Variants in DMXL2 observed in about 807,000 individuals in gnomAD.
DMXL2 encodes Dmx like 2.
In DMXL2, 103 loss-of-function variants were observed where a neutral mutation model predicts 331.1. The ratio of observed to expected loss-of-function variants is 0.31; its 90% confidence interval spans 0.27 to 0.37. The LOEUF (loss-of-function observed/expected upper bound fraction) is 0.37. DMXL2 is among the 10% of genes least tolerant of loss of function. The pLI, the probability that DMXL2 is intolerant of heterozygous loss-of-function variation, is 1.00. For missense variants in DMXL2, 3,171 were observed against 3,642.9 expected (o/e 0.87, Z 3.33); for synonymous variants, 1,281 against 1,252.1 (o/e 1.02, Z -0.49).
intron 1 of DMXL2, among the ~76,000 whole-genome samples, chr15:51,588,074 TTG>T (rs1333543241): frequency 1.3e-5 from 2 of 152,204 alleles, no homozygotes; most frequent in Non-Finnish European, 2.9e-5. Context: ...TATTAGTGCT[TTG>T]TCAGCTGAGT....
intron 1 of DMXL2, 63 bp downstream of exon 1, chr15:51,622,396 G>C (rs1238465925): frequency 6.5e-7 from 1 of 1,546,710 alleles, no homozygotes; most frequent in Non-Finnish European, 8.7e-7. Flanking sequence ...CCCTGGACAG[G>C]AGGTCCCTGC....
At chr15:51,458,660 C>G in intron 35 of DMXL2, 33 bp from the exon 36 acceptor site, 1 of 1,613,798 alleles carries the variant, frequency 6.2e-7, no homozygotes, top group Non-Finnish European at 8.5e-7. Context: ...ATGATTTAAG[C>G]AATTTCACTA....
At chr15:51,503,952 CTT>C (rs1295825932) in intron 16 of DMXL2, among the ~76,000 whole-genome samples, 1 of 151,624 alleles carries the variant, frequency 6.6e-6, no homozygotes, top group Non-Finnish European at 1.5e-5. Context: ...CAATTTTACT[CTT>C]TCTTAGCACC....
chr15:51,560,618 G>A (rs1442544144), intron 6 of DMXL2, among the ~76,000 whole-genome samples: 7 of 148,428 alleles, frequency 4.7e-5, no homozygotes, highest in Non-Finnish European at 1.0e-4. Flanking sequence ...GCAATGAGCC[G>A]TGACTGTGCC....
At chr15:51,479,772 A>C (rs1278069628) in intron 25 of DMXL2, among the ~76,000 whole-genome samples, 176 bp downstream of exon 25, 1 of 152,240 alleles carries the variant, frequency 6.6e-6, no homozygotes, top group Non-Finnish European at 1.5e-5. Flanking sequence ...TAACTTCTCC[A>C]GAAGTAAGAA....
At chr15:51,602,157 T>C (rs1378588721) in intron 1 of DMXL2, among the ~76,000 whole-genome samples, 1 of 152,198 alleles carries the variant, frequency 6.6e-6, no homozygotes, top group Non-Finnish European at 1.5e-5. Context: ...TGAAGTTCAC[T>C]ATTCTAGCAG....
intron 6 of DMXL2, among the ~76,000 whole-genome samples, chr15:51,555,027 A>G (rs956119388): frequency 2.6e-5 from 4 of 152,086 alleles, no homozygotes; most frequent in Non-Finnish European, 5.9e-5. Flanking sequence ...GTGTGGTGGC[A>G]CACGCTTGTA....
chr15:51,612,734 T>C (rs909961284), intron 1 of DMXL2, among the ~76,000 whole-genome samples: 10 of 152,200 alleles, frequency 6.6e-5, no homozygotes, highest in African/African-American at 1.7e-4. Flanking sequence ...TGCATTGTCA[T>C]TGAAAACATC....
chr15:51,481,723 T>C (rs2042025695), intron 23 of DMXL2, 100 bp from the exon 24 acceptor site: 29 of 1,148,386 alleles, frequency 2.5e-5, no homozygotes, highest in Non-Finnish European at 3.3e-5. Context: ...AAAAACAACA[T>C]GTAAATATTA....
chr15:51,496,647 A>G (rs2043198872), intron 18 of DMXL2, among the ~76,000 whole-genome samples: 3 of 152,218 alleles, frequency 2.0e-5, no homozygotes, highest in Admixed American at 2.0e-4. Context: ...GATGGAGGTA[A>G]AAAGAATAAA....
At chr15:51,619,429 A>C (rs1357660420) in intron 1 of DMXL2, among the ~76,000 whole-genome samples, 1 of 152,248 alleles carries the variant, frequency 6.6e-6, no homozygotes, top group Non-Finnish European at 1.5e-5. Flanking sequence ...ACAAGTGAAA[A>C]GCATCATAGC....
chr15:51,485,477 A>G (rs898423069), intron 23 of DMXL2, among the ~76,000 whole-genome samples: 1 of 152,258 alleles, frequency 6.6e-6, no homozygotes, highest in African/African-American at 2.4e-5. Flanking sequence ...TACAACATAC[A>G]TATGCCAAAT....
At chr15:51,461,822 G>A (rs1044131867) in intron 33 of DMXL2, among the ~76,000 whole-genome samples, 3 of 152,164 alleles carry the variant, frequency 2.0e-5, no homozygotes, top group African/African-American at 7.2e-5. Flanking sequence ...TTACAGGTGT[G>A]AGCCACTATG....
At chr15:51,526,132 G>C (rs1447201227) in intron 13 of DMXL2, among the ~76,000 whole-genome samples, 3 of 134,090 alleles carry the variant, frequency 2.2e-5, no homozygotes, top group African/African-American at 8.3e-5. Context: ...GGGGGAAGGA[G>C]AGAGAGGGAG....
rs767788508 is a variant in DMXL2 at position 51,488,073 on chromosome 15, T to C, written c.5098A>G (p.Asn1700Asp). 6.2e-6 allele frequency: 10 copies of C among 1,611,810 alleles called. No homozygotes were observed. In the African/African-American group the frequency reaches 1.3e-4, roughly 22 times the overall value. ...KMTTFFSHNFNEDRWRKAALK... is the reference protein window; with the variant it reads ...KMTTFFSHNFDEDRWRKAALK... ...GCAGCTTTTCGCCATCTATCTTCAT[T>C]AAAGTTGTGGCTGAAAAATGTTGTC... is the stretch of plus-strand genomic sequence containing the variant. Residue 1700 changes from asparagine (N) to aspartate (D), a missense_variant, in exon 22 of 44, where the codon AAT becomes GAT. Around this residue, in one of 7 missense-constraint regions of DMXL2, gnomAD observed 252 missense variants for 387.4 expected, o/e 0.65. Coordinates refer to ENST00000560891, the MANE Select transcript of DMXL2 (RefSeq NM_001378457.1).
At chr15:51,490,026 A>G (rs2042681047) in intron 20 of DMXL2, among the ~76,000 whole-genome samples, 2 of 152,208 alleles carry the variant, frequency 1.3e-5, no homozygotes, top group African/African-American at 4.8e-5. Flanking sequence ...AGTGCTTTGG[A>G]ATATAAAACA....
Position 51,480,795 on chromosome 15 carries a change from T to C in DMXL2, c.6311A>G (p.Lys2104Arg). 6.2e-7 allele frequency: 1 copy of C among 1,607,892 alleles called. No homozygotes were observed. The highest frequency in any genetic ancestry group is 1.7e-4 in the Middle Eastern group (1 of 6,020). ...CTGATCCAGCAGATCACTCTCTACTTTGGAATATGTCTTACTGGAATACTC... is the reference window on the plus strand; with the variant it reads ...CTGATCCAGCAGATCACTCTCTACTCTGGAATATGTCTTACTGGAATACTC... ...IKEYSSKTYS[K>R]VESDLLDQEE... Residue 2104 changes from lysine (K) to arginine (R), a missense_variant, in exon 24 of 44, where the codon AAA becomes AGA. Lys to Arg is a conservative substitution (Grantham distance 26). Around this residue, in one of 7 missense-constraint regions of DMXL2, gnomAD observed 197 missense variants for 196.2 expected, o/e 1.00. Transcript: ENST00000560891.
At chr15:51,456,394 T>C (rs888810675) in intron 37 of DMXL2, 25 bp from the exon 38 acceptor site, 1 of 1,404,300 alleles carries the variant, frequency 7.1e-7, no homozygotes, top group Non-Finnish European at 9.8e-7. Context: ...TTTAAAAATT[T>C]TATTTTGTGT....
intron 3 of DMXL2, among the ~76,000 whole-genome samples, 195 bp from the exon 4 acceptor site, chr15:51,565,361 C>T (rs2050203619): frequency 6.6e-6 from 1 of 152,080 alleles, no homozygotes; most frequent in African/African-American, 2.4e-5. Flanking sequence ...ATTTATTATA[C>T]CATATTGAGC....
Sources: gnomAD v4.1 joint callset for allele counts (sites outside exome capture counted in the v4.1 genomes callset) on GRCh38, gnomAD v4.1.1 for gene constraint, gnomAD v4.1.1 regional missense constraint, MANE v1.5 for transcripts, NCBI Gene and HGNC (gene_info 2026-07-23, HGNC 2026-07-21) for gene names.